CDH20: variants seen among roughly 807,000 people sequenced by gnomAD.
The protein encoded by CDH20 is cadherin-20.
A neutral mutation model predicts 74.2 loss-of-function variants in CDH20; 29 were observed. The observed-to-expected ratio is 0.39, with a 90% CI of 0.29 to 0.53. The LOEUF (loss-of-function observed/expected upper bound fraction) is 0.53, where lower values mean the gene tolerates loss of function less well. CDH20 is among the 20% of genes least tolerant of loss of function. The pLI, the probability that CDH20 is intolerant of heterozygous loss-of-function variation, is 0.69. For synonymous variants in CDH20, 469 were observed against 405.4 expected (o/e 1.16, Z -1.88); for missense variants, 988 against 1,048.3 (o/e 0.94, Z 0.79).
chr18:61,497,225 A>C (rs955619044), intron 2 of CDH20, among the ~76,000 whole-genome samples: 3 of 151,692 alleles, frequency 2.0e-5, no homozygotes, highest in African/African-American at 7.2e-5. Context: ...GGTCAATTTT[A>C]TTCCCTTATT....
At chr18:61,514,183 G>A (rs1911893328) in intron 6 of CDH20, among the ~76,000 whole-genome samples, 1 of 151,508 alleles carries the variant, frequency 6.6e-6, no homozygotes, top group Non-Finnish European at 1.5e-5. Flanking sequence ...ATATTTCTTG[G>A]AGGCTTTGCT....
At chr18:61,503,746 G>A (rs983098678) in intron 5 of CDH20, among the ~76,000 whole-genome samples, 6 of 152,172 alleles carry the variant, frequency 3.9e-5, no homozygotes, top group Admixed American at 1.3e-4. Flanking sequence ...AAATTAAACC[G>A]TAGTAGCATT....
At chr18:61,547,851 C>G (rs940262430) in intron 10 of CDH20, among the ~76,000 whole-genome samples, 8 of 152,138 alleles carry the variant, frequency 5.3e-5, no homozygotes, top group Non-Finnish European at 8.8e-5. Context: ...CAGGCCCCTT[C>G]CAGCACTGGA....
At chr18:61,506,316 G>T (rs1379651423) in intron 5 of CDH20, among the ~76,000 whole-genome samples, 1 of 152,176 alleles carries the variant, frequency 6.6e-6, no homozygotes, top group Non-Finnish European at 1.5e-5. Flanking sequence ...TGCCAGCTTA[G>T]TACAAACTTT....
chr18:61,353,544 C>T lies in CDH20; in HGVS notation c.-153+19717C>T, dbSNP rs1415573108. The stretch of plus-strand genomic sequence containing the variant: ...AATTGTATAGACACAGCTTTACTTG[C>T]TTTTGAATATCCGACAGTGTGTATC... On this transcript the variant is annotated intron_variant, in intron 1 of 11. Transcript: ENST00000262717. This position sits in a 1 kb window ranked among gnomAD's most constrained non-coding sequence, Gnocchi z 4.6. Among the ~76,000 whole-genome samples, 1 of 152,192 alleles carries T rather than the reference C, an allele frequency of 6.6e-6. No homozygotes were observed. The highest frequency in any genetic ancestry group is 1.5e-5 in the Non-Finnish European group (1 of 68,034).
At chr18:61,342,760 A>C (rs1357090371) in intron 1 of CDH20, among the ~76,000 whole-genome samples, 1 of 152,234 alleles carries the variant, frequency 6.6e-6, no homozygotes, top group East Asian at 1.9e-4. Flanking sequence ...TTTTCAATTT[A>C]AGAGTAGGGC....
chr18:61,441,914 G>A (rs572134033), intron 1 of CDH20, among the ~76,000 whole-genome samples: 4 of 152,090 alleles, frequency 2.6e-5, no homozygotes, highest in Admixed American at 6.5e-5. Context: ...TTCTCTACCC[G>A]CATGTCTTGC....
At chr18:61,507,303 T>A (rs545896422) in intron 5 of CDH20, 70 bp from the exon 6 acceptor site, 1 of 1,407,296 alleles carries the variant, frequency 7.1e-7, no homozygotes, top group East Asian at 2.3e-5. Context: ...GCACTCCTGA[T>A]ATGATAATGA....
chr18:61,428,233 A>G (rs965897248), intron 1 of CDH20, among the ~76,000 whole-genome samples: 1 of 152,158 alleles, frequency 6.6e-6, no homozygotes, highest in South Asian at 2.1e-4. Context: ...GGGTGGTATA[A>G]AAATGGAATC....
intron 1 of CDH20, among the ~76,000 whole-genome samples, chr18:61,388,521 C>T (rs151037062): frequency 1.7e-3 from 257 of 152,194 alleles, no homozygotes; most frequent in African/African-American, 5.9e-3. Context: ...CAAAATTAAA[C>T]GGATTTAAGT....
At chr18:61,537,473 A>G (rs963406954) in intron 8 of CDH20, among the ~76,000 whole-genome samples, 2 of 152,260 alleles carry the variant, frequency 1.3e-5, no homozygotes, top group Non-Finnish European at 2.9e-5. Flanking sequence ...GGTACAACCT[A>G]TAGTAAAATG....
intron 6 of CDH20, among the ~76,000 whole-genome samples, chr18:61,520,315 C>CAAA (rs58685164): frequency 0.51 from 61,333 of 119,552 alleles, 18,123 homozygotes; most frequent in East Asian, 0.87. Flanking sequence ...GACTCCGTCT[C>CAAA]AAAAAAAAAA....
chr18:61,435,912 G>A (rs893926272), intron 1 of CDH20, among the ~76,000 whole-genome samples: 1 of 151,818 alleles, frequency 6.6e-6, no homozygotes, highest in Admixed American at 6.6e-5. Flanking sequence ...AGCACACATT[G>A]ACCATCGCTC....
At chr18:61,446,304 G>A (rs534270494) in intron 1 of CDH20, among the ~76,000 whole-genome samples, 117 of 152,184 alleles carry the variant, frequency 7.7e-4, no homozygotes, top group Admixed American at 2.0e-3. Context: ...CACCTCAACC[G>A]CATCAGCATC....
At chr18:61,339,109 T>C (rs536064110) in intron 1 of CDH20, among the ~76,000 whole-genome samples, 1 of 152,286 alleles carries the variant, frequency 6.6e-6, no homozygotes, top group South Asian at 2.1e-4. Flanking sequence ...TTGGTGATAT[T>C]CTGGTGTGGA....
rs1448523766 is a variant in CDH20, at chr18:61,436,042, CTG to C, written c.-152-54358_-152-54357del. On this transcript the variant is annotated intron_variant, in intron 1 of 11. Coordinates refer to ENST00000262717, the MANE Select transcript of CDH20 (RefSeq NM_031891.4). The stretch of plus-strand genomic sequence containing the variant: ...TGAAATCACATATAGTATGTGGTCA[CTG>C]TAATTCTTAACGTAATGTTTTCAAG... Among the ~76,000 whole-genome samples, 4 of 152,252 alleles carry C rather than the reference CTG, an allele frequency of 2.6e-5. No homozygotes were observed. The East Asian group carries it at 7.7e-4, about 29-fold the overall frequency.
chr18:61,458,711 G>T (rs144494779), intron 1 of CDH20, among the ~76,000 whole-genome samples: 4 of 152,232 alleles, frequency 2.6e-5, no homozygotes, highest in African/African-American at 9.6e-5. Flanking sequence ...GCATCTGAAA[G>T]CAGAAATCAG....
rs181891898 is a variant in CDH20 at position 61,391,055 on chromosome 18, C to T, written c.-153+57228C>T. On this transcript the variant is annotated intron_variant, in intron 1 of 11. Coordinates refer to ENST00000262717, the MANE Select transcript of CDH20 (RefSeq NM_031891.4). ...AAACCCTGTCAACAAGATTAAAAGGCGAACAAAAATCTAGCAAACACTTTT... is the reference window on the plus strand; with the variant it reads ...AAACCCTGTCAACAAGATTAAAAGGTGAACAAAAATCTAGCAAACACTTTT... Among the ~76,000 whole-genome samples the T allele has an allele frequency of 6.3e-4, 95 of 151,976 alleles. No homozygotes were observed. In the Middle Eastern group the frequency reaches 0.017, roughly 27 times the overall value.
chr18:61,397,557 C>G (rs1249602314), intron 1 of CDH20, among the ~76,000 whole-genome samples: 2 of 152,190 alleles, frequency 1.3e-5, no homozygotes, highest in East Asian at 3.9e-4. Flanking sequence ...TCACCCTCCA[C>G]TACCCTGCTT....
Sources: allele counts gnomAD v4.1 joint callset (sites outside exome capture counted in the v4.1 genomes callset), GRCh38; gene constraint gnomAD v4.1.1; non-coding constraint Gnocchi (gnomAD v3.1); transcripts MANE v1.5; gene names NCBI Gene and HGNC (gene_info 2026-07-23, HGNC 2026-07-21).